The following MN1 variants were observed in gnomAD, a reference collection of about 807,000 sequenced individuals.
MN1 encodes the protein transcriptional activator MN1.
MN1 carries 19 observed loss-of-function variants against 86.9 expected under a neutral mutation model. The observed-to-expected ratio is 0.22, with a 90% CI of 0.15 to 0.32. The LOEUF (loss-of-function observed/expected upper bound fraction) is 0.32, where lower values mean the gene tolerates loss of function less well. Ranked by LOEUF, MN1 falls within the 10% of genes least tolerant of loss-of-function variation. The pLI is 1.00. For synonymous variants in MN1, 928 were observed against 849.6 expected, an observed-to-expected ratio of 1.09 and a Z score of -1.60; for missense variants, 1,841 against 1,862.0, an observed-to-expected ratio of 0.99 and a Z score of 0.21.
At chr22:27,787,631 T>G (rs1417010684) in intron 1 of MN1, among the ~76,000 whole-genome samples, 1 of 152,166 alleles carries the variant, frequency 6.6e-6, no homozygotes, top group Non-Finnish European at 1.5e-5. Flanking sequence ...ACAAGGTCTG[T>G]GAAAGCCAAG....
rs117690685 is a variant in MN1, at chr22:27,770,315, G to A, written c.3782-19219C>T. On this transcript the variant is annotated intron_variant, in intron 1 of 1. Coordinates refer to ENST00000302326, the MANE Select transcript of MN1 (RefSeq NM_002430.3). Reference sequence around the variant, plus strand: ...GAGTCACAGTCCATAGACAGTTGGCGGTTTGAAAGGCAGCCATTTCCAGGT... The same window carrying A: ...GAGTCACAGTCCATAGACAGTTGGCAGTTTGAAAGGCAGCCATTTCCAGGT... Among the ~76,000 whole-genome samples, 1,273 of 152,332 alleles carry A rather than the reference G, an allele frequency of 8.4e-3. 27 individuals are homozygous for A. The East Asian group carries it at 0.091, about 11-fold the overall frequency.
Position 27,798,801 on chromosome 22 carries a change from G to C in MN1, c.1743C>G (p.Pro581=), listed in dbSNP as rs1933365148. ...CCAGGCCGCCCTGGCCCACGTCCCC[G>C]GGGTGGCCTAGCTGAGCCAGGTTGG... The part of the protein sequence containing the change: ...RQPNLAQLGH[P]GDVGQGGLVH... The change falls in exon 1 of 2, where the codon CCC becomes CCG. Residue 581 remains proline, a synonymous_variant. Transcript: ENST00000302326. 2 of 1,535,892 alleles carry C rather than the reference G, an allele frequency of 1.3e-6. No individual in the cohort carries two copies. Among genetic ancestry groups the C allele is most frequent in the African/African-American group, 1.4e-5 (1 of 73,014 alleles).
At chr22:27,760,712 G>A (rs1932829029) in intron 1 of MN1, among the ~76,000 whole-genome samples, 1 of 152,138 alleles carries the variant, frequency 6.6e-6, no homozygotes, top group Non-Finnish European at 1.5e-5. Context: ...CCCGAGGCAG[G>A]CCCAGGGGAC....
At chr22:27,794,279 C>T (rs990312365) in intron 1 of MN1, among the ~76,000 whole-genome samples, 8 of 152,174 alleles carry the variant, frequency 5.3e-5, no homozygotes, top group East Asian at 1.9e-4. Flanking sequence ...TATTTACTAC[C>T]AGTAAGGGAG....
Position 27,751,101 on chromosome 22 carries a change from GGAGA to G in MN1, c.3782-9_3782-6del. The G allele has an allele frequency of 6.4e-7, 1 of 1,556,930 alleles. No homozygotes were observed. The highest frequency in any genetic ancestry group is 8.7e-7 in the Non-Finnish European group (1 of 1,147,536). ...TGTTTGCAGGGAGGTCGTGGGCTGT[GGAGA>G]GAGAAGGAAGAGAGGACATTAGTGG... On this transcript the variant is annotated splice_polypyrimidine_tract_variant and splice_region_variant and intron_variant, in intron 1 of 1. Coordinates refer to ENST00000302326, the MANE Select transcript of MN1 (RefSeq NM_002430.3).
chr22:27,789,592 TGTGA>T, intron 1 of MN1, among the ~76,000 whole-genome samples: 1 of 152,282 alleles, frequency 6.6e-6, no homozygotes, highest in Non-Finnish European at 1.5e-5. Context: ...CCCTCAACAA[TGTGA>T]GTTTATATGG....
chr22:27,781,763 C>T (rs897280056), intron 1 of MN1, among the ~76,000 whole-genome samples: 15 of 152,164 alleles, frequency 9.9e-5, no homozygotes, highest in East Asian at 1.9e-4. Flanking sequence ...ACACAGCACA[C>T]GAGTGGCAGA....
intron 1 of MN1, among the ~76,000 whole-genome samples, chr22:27,779,106 C>G (rs140780732): frequency 6.6e-6 from 1 of 152,240 alleles, no homozygotes; most frequent in East Asian, 1.9e-4. Flanking sequence ...TCCTACACCT[C>G]AGGGGCCAAA....
In MN1 at chr22:27,798,897, C is replaced by T. The variant is rs1933367578; in HGVS notation, c.1647G>A (p.Gln549=). ...TCATGAGGGCCGCGTTTTGGCGCTG[C>T]TGCTGCTGCTGCTGTTGCTGTTGCT... ...QQQQQQQQQQ[Q]QRQNAALMIK... is the part of the protein sequence containing the mutation. The change falls in exon 1 of 2, where the codon CAG becomes CAA. Residue 549 remains glutamine, a synonymous_variant. Transcript: ENST00000302326. 1 of 1,553,194 alleles carries T rather than the reference C, an allele frequency of 6.4e-7. No homozygotes were observed. The highest frequency in any genetic ancestry group is 1.7e-4 in the Middle Eastern group (1 of 5,930).
intron 1 of MN1, among the ~76,000 whole-genome samples, chr22:27,791,333 TCAA>T (rs1933208365): frequency 6.6e-6 from 1 of 151,960 alleles, no homozygotes. Context: ...CATGTATACA[TCAA>T]CATCTCCACC....
chr22:27,757,314 C>A (rs759863080), intron 1 of MN1, among the ~76,000 whole-genome samples: 1 of 152,112 alleles, frequency 6.6e-6, no homozygotes, highest in Admixed American at 6.5e-5. Flanking sequence ...GGATTACAGG[C>A]GTGAGCCACC....
chr22:27,750,690 C>G lies in MN1; in HGVS notation c.*225G>C. ...AACACTGGTAACATACTGTGGCAGACAAGTTTCTTTTTTAAAAAAACTTTT... is the reference window on the plus strand; with the variant it reads ...AACACTGGTAACATACTGTGGCAGAGAAGTTTCTTTTTTAAAAAAACTTTT... On this transcript the variant is annotated 3_prime_UTR_variant, in exon 2 of 2. Coordinates refer to ENST00000302326, the MANE Select transcript of MN1 (RefSeq NM_002430.3). 2 of 404,138 alleles carry G rather than the reference C, an allele frequency of 4.9e-6. No individual in the cohort carries two copies. Among genetic ancestry groups the G allele is most frequent in the Middle Eastern group, 6.5e-4 (1 of 1,528 alleles). The allele number at this position is 404,138 out of a possible 1,614,324, so 25.0% of individuals were successfully genotyped here.
intron 1 of MN1, among the ~76,000 whole-genome samples, chr22:27,778,353 G>T (rs945134402): frequency 6.6e-6 from 1 of 152,128 alleles, no homozygotes; most frequent in Admixed American, 6.5e-5. Context: ...TTTCCTGAAC[G>T]GCACCCAAGA....
rs1362835810 is a variant in MN1, at chr22:27,801,421, G to C, written c.-878C>G. On this transcript the variant is annotated 5_prime_UTR_variant, in exon 1 of 2. Transcript: ENST00000302326. ...GGTGTCTGAGTTCGCCGGAGTCTCC[G>C]CGCACCGTTGCAGGCGCGGGAGGGC... is the stretch of plus-strand genomic sequence containing the variant. 1.4e-5 allele frequency: 3 copies of C among 209,882 alleles called. No individual in the cohort carries two copies. The highest frequency in any genetic ancestry group is 1.9e-5 in the Non-Finnish European group (2 of 103,048). The allele number at this position is 209,882 out of a possible 1,614,324, so 13.0% of individuals were successfully genotyped here.
intron 1 of MN1, among the ~76,000 whole-genome samples, chr22:27,766,287 G>A (rs1275679562): frequency 6.6e-6 from 1 of 152,168 alleles, no homozygotes; most frequent in African/African-American, 2.4e-5. Flanking sequence ...TCTCCACCTT[G>A]GGGGTTGGAG....
intron 1 of MN1, among the ~76,000 whole-genome samples, chr22:27,766,041 T>C (rs1213275087): frequency 6.6e-6 from 1 of 152,128 alleles, no homozygotes; most frequent in Non-Finnish European, 1.5e-5. Flanking sequence ...AACCCCCAAC[T>C]TGCTTTCCCT....
At chr22:27,766,812 C>T (rs1409357563) in intron 1 of MN1, among the ~76,000 whole-genome samples, 1 of 152,160 alleles carries the variant, frequency 6.6e-6, no homozygotes, top group Non-Finnish European at 1.5e-5. Context: ...AAGCCAGCAC[C>T]AGACCCCCTC....
chr22:27,799,185 C>T lies in MN1; in HGVS notation c.1359G>A (p.Val453=), dbSNP rs750859707. Residue 453 remains valine, a synonymous_variant, in exon 1 of 2, where the codon GTG becomes GTA. Coordinates refer to ENST00000302326, the MANE Select transcript of MN1 (RefSeq NM_002430.3). ...GAAAGTCGAAGCGCGGCCTCTTGGC[C>T]ACGTTCATGTAGGGGGGCGCGTCGA... is the stretch of plus-strand genomic sequence containing the variant. ...QHFDAPPYMN[V]AKRPRFDFPG... is the part of the protein sequence containing the mutation. 9 of 1,607,080 alleles carry T rather than the reference C, an allele frequency of 5.6e-6. No homozygotes were observed. In the African/African-American group the frequency reaches 9.4e-5, roughly 17 times the overall value.
At chr22:27,793,221 G>A (rs1395332114) in intron 1 of MN1, among the ~76,000 whole-genome samples, 1 of 152,154 alleles carries the variant, frequency 6.6e-6, no homozygotes, top group South Asian at 2.1e-4. Context: ...TTTGAAAATT[G>A]TAAGGGGCAG....
Sources: allele counts gnomAD v4.1 joint callset (sites outside exome capture counted in the v4.1 genomes callset), GRCh38; gene constraint gnomAD v4.1.1; transcripts MANE v1.5; gene names NCBI Gene and HGNC (gene_info 2026-07-23, HGNC 2026-07-21).